The following MAU2 variants were observed in gnomAD, a reference collection of about 807,000 sequenced individuals.
The protein encoded by MAU2 is MAU2 chromatid cohesion factor homolog.
MAU2 carries 9 observed loss-of-function variants against 89.1 expected under a neutral mutation model. That is an observed-to-expected ratio of 0.10 (90% CI 0.06 to 0.18). The LOEUF (loss-of-function observed/expected upper bound fraction) is 0.18, where lower values mean the gene tolerates loss of function less well. MAU2 is among the 10% of genes least tolerant of loss of function. MAU2 has a pLI of 1.00. For synonymous variants in MAU2, 357 were observed against 343.4 expected (o/e 1.04, Z -0.44); for missense variants, 425 against 803.5 (o/e 0.53, Z 5.69).
rs533588144 is a variant in MAU2, at chr19:19,328,065, C to T, written c.276+6930C>T. Reference sequence around the variant, plus strand: ...GTCCTAGCTACTTGGGAAGCTGAGGCGTGAGGATCACTTGAGCCCAGGAGG... The same window carrying T: ...GTCCTAGCTACTTGGGAAGCTGAGGTGTGAGGATCACTTGAGCCCAGGAGG... On this transcript the variant is annotated intron_variant, in intron 1 of 18. Coordinates refer to ENST00000262815, the MANE Select transcript of MAU2 (RefSeq NM_015329.4). 1.7e-4 allele frequency among the ~76,000 whole-genome samples: 26 copies of T among 151,140 alleles called. No homozygotes were observed. In the South Asian group the frequency reaches 5.2e-3, roughly 30 times the overall value.
chr19:19,326,709 TATATATATATAC>T (rs1451127234), intron 1 of MAU2, among the ~76,000 whole-genome samples: 1 of 119,820 alleles, frequency 8.3e-6, no homozygotes, highest in African/African-American at 3.0e-5. Flanking sequence ...TATGTATATA[TATATATATATAC>T]ATATATATAT....
chr19:19,355,341 C>T lies in MAU2; in HGVS notation c.1717C>T (p.Leu573Phe). 1 of 1,614,132 alleles carries T rather than the reference C, an allele frequency of 6.2e-7. No homozygotes were observed. Among genetic ancestry groups the T allele is most frequent in the Non-Finnish European group, 8.5e-7 (1 of 1,180,002 alleles). ...QMHQNFSQQL[L>F]QDHIEACSLP... ...GCACCAGAACTTCTCGCAGCAGCTG[C>T]TCCAGGACCACATTGAGGCCTGCAG... The change falls in exon 18 of 19, where the codon CTC becomes TTC. Residue 573 changes from leucine (L) to phenylalanine (F), a missense_variant. Leu to Phe is a conservative substitution (Grantham distance 22). Around this residue, in one of 11 missense-constraint regions of MAU2, gnomAD observed 33 missense variants for 94.1 expected, o/e 0.35. Coordinates refer to ENST00000262815, the MANE Select transcript of MAU2 (RefSeq NM_015329.4).
Position 19,341,728 on chromosome 19 carries a change from CTGGGA to C in MAU2, c.735+325_735+329del, listed in dbSNP as rs569639358. Among the ~76,000 whole-genome samples, 18 of 152,328 alleles carry C rather than the reference CTGGGA, an allele frequency of 1.2e-4. No individual in the cohort carries two copies. In the East Asian group the frequency reaches 3.1e-3, roughly 26 times the overall value. ...ATCATGAGAATAAACCACAGAGGTGCTGGGATGGCACCTGCACACAGCAGATGCCC... is the reference window on the plus strand; with the variant it reads ...ATCATGAGAATAAACCACAGAGGTGCTGGCACCTGCACACAGCAGATGCCC... On this transcript the variant is annotated intron_variant, in intron 7 of 18. Transcript: ENST00000262815.
chr19:19,322,556 C>T (rs948926973), intron 1 of MAU2, among the ~76,000 whole-genome samples: 3 of 152,062 alleles, frequency 2.0e-5, no homozygotes, highest in Admixed American at 6.6e-5. Flanking sequence ...GCAGTGATCA[C>T]GCCACTTCAC....
intron 16 of MAU2, 59 bp downstream of exon 16, chr19:19,349,495 G>A: frequency 6.8e-7 from 1 of 1,467,436 alleles, no homozygotes; most frequent in Non-Finnish European, 9.5e-7. Context: ...CTGAGGGACA[G>A]GAGCCGGCCA....
Position 19,357,457 on chromosome 19 carries a change from A to G in MAU2, c.*1675A>G, listed in dbSNP as rs1201355018. ...AGGAGCCCCCCACATCCTCCCCTAC[A>G]TCCCAGAGATGCCACCACTTGTGTC... On this transcript the variant is annotated 3_prime_UTR_variant, in exon 19 of 19. Coordinates refer to ENST00000262815, the MANE Select transcript of MAU2 (RefSeq NM_015329.4). 1 of 152,604 alleles carries G rather than the reference A, an allele frequency of 6.6e-6. No homozygotes were observed. The highest frequency in any genetic ancestry group is 1.5e-5 in the Non-Finnish European group (1 of 68,128). The allele number at this position is 152,604 out of a possible 1,614,324, so 9.5% of individuals were successfully genotyped here. A position where few individuals can be genotyped will look rare whatever the true frequency, so the allele number is the denominator to read the frequency against.
chr19:19,326,706 A>G (rs1469274687), intron 1 of MAU2, among the ~76,000 whole-genome samples: 9 of 87,008 alleles, frequency 1.0e-4, no homozygotes, highest in African/African-American at 2.8e-4. Context: ...ATATATGTAT[A>G]TATATATATA....
chr19:19,335,101 C>T (rs1380275429), intron 1 of MAU2, among the ~76,000 whole-genome samples: 1 of 152,260 alleles, frequency 6.6e-6, no homozygotes, highest in South Asian at 2.1e-4. Flanking sequence ...TGAGTTGGAG[C>T]CTGTTGTCTG....
At chr19:19,333,575 G>T (rs2061573861) in intron 1 of MAU2, among the ~76,000 whole-genome samples, 1 of 152,254 alleles carries the variant, frequency 6.6e-6, no homozygotes, top group Non-Finnish European at 1.5e-5. Flanking sequence ...TTTGTAGAAG[G>T]GGGTGTAGTA....
intron 10 of MAU2, 124 bp from the exon 11 acceptor site, chr19:19,344,725 T>G (rs955856404): frequency 2.7e-6 from 2 of 728,016 alleles, no homozygotes; most frequent in Non-Finnish European, 4.8e-6. Flanking sequence ...TGCTGGGGCT[T>G]TGTACCCCAG....
chr19:19,328,206 G>T (rs2061527108), intron 1 of MAU2, among the ~76,000 whole-genome samples: 1 of 151,044 alleles, frequency 6.6e-6, no homozygotes, highest in Middle Eastern at 3.2e-3. Flanking sequence ...TGCAGATTCT[G>T]ACAGGTTGTG....
intron 2 of MAU2, 93 bp downstream of exon 2, chr19:19,335,828 C>G (rs2061591766): frequency 6.9e-7 from 1 of 1,444,884 alleles, no homozygotes; most frequent in East Asian, 2.3e-5. Flanking sequence ...TCCCGACATG[C>G]CCTGTGAGTT....
chr19:19,345,411 T>C lies in MAU2; in HGVS notation c.1221+42T>C. ...CCTTGCTGCTCGGGGCGGGCCACAC[T>C]TCTGAGTAAGGAGTCGGGCGTGGTC... On this transcript the variant is annotated intron_variant, in intron 12 of 18. Coordinates refer to ENST00000262815, the MANE Select transcript of MAU2 (RefSeq NM_015329.4). This position sits in a 1 kb window ranked among gnomAD's most constrained non-coding sequence, Gnocchi z 4.9. The C allele has an allele frequency of 1.3e-6, 2 of 1,599,142 alleles. No homozygotes were observed. The highest frequency in any genetic ancestry group is 2.2e-5 in the South Asian group (2 of 90,802).
chr19:19,354,515 A>G (rs2048155157), intron 17 of MAU2, 70 bp downstream of exon 17: 9 of 1,386,914 alleles, frequency 6.5e-6, no homozygotes, highest in Non-Finnish European at 9.1e-6. Context: ...GCTGCTGGGC[A>G]TGTCCTGCTC....
In MAU2 at chr19:19,355,395, C is replaced by T. The variant is rs1375873950; in HGVS notation, c.1767+4C>T. On this transcript the variant is annotated splice_donor_region_variant and intron_variant, in intron 18 of 18. Transcript: ENST00000262815. ...CCCCGAACACAACCTCATCACGGTA[C>T]GGGTGTGGGTGTTAGGGGACGGGAT... 11 of 1,613,648 alleles carry T rather than the reference C, an allele frequency of 6.8e-6. No individual in the cohort carries two copies. Among genetic ancestry groups the T allele is most frequent in the African/African-American group, 5.3e-5 (4 of 74,918 alleles).
At chr19:19,349,462 G>A (rs1211387748) in intron 16 of MAU2, 26 bp downstream of exon 16, 8 of 1,598,428 alleles carry the variant, frequency 5.0e-6, no homozygotes, top group South Asian at 1.1e-5. Flanking sequence ...TGGGCCCCTC[G>A]CTTGGGTGCC....
At chr19:19,336,071 C>T (rs753060340) in intron 2 of MAU2, 51 bp from the exon 3 acceptor site, 4 of 1,422,976 alleles carry the variant, frequency 2.8e-6, no homozygotes, top group African/African-American at 1.4e-5. Context: ...GTGGCCCTTT[C>T]AAACCGACCT....
Position 19,320,902 on chromosome 19 carries a change from C to T in MAU2, c.43C>T (p.Gln15Ter). Reference protein sequence around the residue: ...AAAAAQAAAAQAAQAEAADSW... With the variant: ...AAAAAQAAAA ...GGCAGCGGCCCAGGCGGCGGCGGCC[C>T]AGGCTGCGCAGGCCGAGGCGGCCGA... The change falls in exon 1 of 19, where the codon CAG (glutamine) becomes TAG (stop). Residue 15 changes from glutamine (Q) to a stop codon, truncating the protein, a stop_gained. Coordinates refer to ENST00000262815, the MANE Select transcript of MAU2 (RefSeq NM_015329.4). LOFTEE classifies it high-confidence loss of function. 6.5e-7 allele frequency: 1 copy of T among 1,540,984 alleles called. No individual in the cohort carries two copies. Among genetic ancestry groups the T allele is most frequent in the Non-Finnish European group, 8.7e-7 (1 of 1,144,306 alleles).
At position 19,320,830 on chromosome 19, in the gene MAU2, T is replaced by A. The variant is rs773800702; in HGVS notation, c.-30T>A. ...TCGCGCGCCTGCTTCCGCCTCCCTG[T>A]GGCGGCGGCTTGTTGTTGTGGAGGC... On this transcript the variant is annotated 5_prime_UTR_variant, in exon 1 of 19. Coordinates refer to ENST00000262815, the MANE Select transcript of MAU2 (RefSeq NM_015329.4). 1 of 1,494,344 alleles carries A rather than the reference T, an allele frequency of 6.7e-7. No homozygotes were observed. The highest frequency in any genetic ancestry group is 1.4e-5 in the South Asian group (1 of 72,578). The allele number at this position is 1,494,344 out of a possible 1,614,324, so 92.6% of individuals were successfully genotyped here.
Sources: gnomAD v4.1 joint callset for allele counts (sites outside exome capture counted in the v4.1 genomes callset) on GRCh38, gnomAD v4.1.1 for gene constraint, gnomAD v4.1.1 regional missense constraint, Gnocchi (gnomAD v3.1) non-coding constraint, MANE v1.5 for transcripts, NCBI Gene and HGNC (gene_info 2026-07-23, HGNC 2026-07-21) for gene names.